Variants in EFNA3 observed in about 807,000 individuals in gnomAD.
EFNA3 encodes the protein ephrin A3.
Under a neutral mutation model 25.0 loss-of-function variants are expected in EFNA3, and 15 were observed. The observed-to-expected ratio is 0.60, with a 90% CI of 0.40 to 0.92. EFNA3 has a LOEUF of 0.92. EFNA3 is among the 40% of genes least tolerant of loss of function. The pLI, the probability that EFNA3 is intolerant of heterozygous loss-of-function variation, is 0.00. For synonymous variants in EFNA3, 153 were observed against 145.6 expected (o/e 1.05, Z -0.37); for missense variants, 298 against 323.8 (o/e 0.92, Z 0.61).
rs1308727862 is a variant in EFNA3, at chr1:155,080,641, C to T, written c.128+1572C>T. On this transcript the variant is annotated intron_variant, in intron 1 of 4. Transcript: ENST00000368408. This position sits in a 1 kb window ranked among gnomAD's most constrained non-coding sequence, Gnocchi z 7.0. ...GCACCTCAGCGTTCTTAGGGGAAGC[C>T]AGAGCCGGGGAGGATGCGGGAATAG... is the stretch of plus-strand genomic sequence containing the variant. Among the ~76,000 whole-genome samples, 1 of 152,174 alleles carries T rather than the reference C, an allele frequency of 6.6e-6. No homozygotes were observed. Among genetic ancestry groups the T allele is most frequent in the African/African-American group, 2.4e-5 (1 of 41,448 alleles).
Position 155,078,978 on chromosome 1 carries a change from G to A in EFNA3, c.37G>A (p.Val13Met). 1.4e-6 allele frequency: 2 copies of A among 1,431,868 alleles called. No individual in the cohort carries two copies. The highest frequency in any genetic ancestry group is 1.5e-5 in the South Asian group (1 of 68,420). The allele number at this position is 1,431,868 out of a possible 1,614,324, so 88.7% of individuals were successfully genotyped here. ...TCCGCTGCTGCTGCTGCTGCTGCTC[G>A]TGCCCGTGCCGCTGCTGCCGCTGCT... Reference protein sequence around the residue: ...AAPLLLLLLLVPVPLLPLLAQ... With the variant: ...AAPLLLLLLLMPVPLLPLLAQ... Residue 13 changes from valine to methionine, a missense_variant, in exon 1 of 5, where the codon GTG becomes ATG. Transcript: ENST00000368408.
chr1:155,083,589 T>C (rs1013438685), intron 1 of EFNA3, among the ~76,000 whole-genome samples: 2 of 152,220 alleles, frequency 1.3e-5, no homozygotes, highest in Non-Finnish European at 2.9e-5. Context: ...ATCAGCTCTC[T>C]GCCTGCCTCA....
intron 1 of EFNA3, among the ~76,000 whole-genome samples, chr1:155,082,538 G>A (rs891820717): frequency 6.6e-6 from 1 of 152,228 alleles, no homozygotes; most frequent in Non-Finnish European, 1.5e-5. Context: ...GAGAGGTGTC[G>A]GGATGCGCCT....
At chr1:155,083,415 C>T (rs1202863725) in intron 1 of EFNA3, among the ~76,000 whole-genome samples, 5 of 152,210 alleles carry the variant, frequency 3.3e-5, no homozygotes, top group African/African-American at 1.2e-4. Context: ...TGGTCTAACC[C>T]GTTTTCCTGC....
chr1:155,085,758 G>A lies in EFNA3; in HGVS notation c.443-119G>A. The A allele has an allele frequency of 8.4e-7, 1 of 1,196,170 alleles. No individual in the cohort carries two copies. Among genetic ancestry groups the A allele is most frequent in the Non-Finnish European group, 1.2e-6 (1 of 835,330 alleles). The allele number at this position is 1,196,170 out of a possible 1,614,324, so 74.1% of individuals were successfully genotyped here. A position where few individuals can be genotyped will look rare whatever the true frequency, so the allele number is the denominator to read the frequency against. ...AGTGACCCGTGTCCAAAGGGTAGGG[G>A]AGCTCCTGAAGGAGACCGCCCGACG... On this transcript the variant is annotated intron_variant, in intron 2 of 4. Transcript: ENST00000368408. The surrounding 1 kb of genome is among the most constrained non-coding windows in gnomAD (Gnocchi z 4.4).
chr1:155,079,260 G>T lies in EFNA3; in HGVS notation c.128+191G>T, dbSNP rs987272604. Among the ~76,000 whole-genome samples the T allele has an allele frequency of 2.0e-5, 3 of 152,240 alleles. No individual in the cohort carries two copies. In the South Asian group the frequency reaches 6.2e-4, roughly 32 times the overall value. On this transcript the variant is annotated intron_variant, in intron 1 of 4. Transcript: ENST00000368408. The surrounding 1 kb of genome is among the most constrained non-coding windows in gnomAD (Gnocchi z 7.7). ...CGGGGGTGTCTGAAGAGGCTGTTGG[G>T]CTATAGTAAGGAGCGCTCGGGCCGT...
rs1663302319 is a variant in EFNA3, at chr1:155,079,542, A to G, written c.128+473A>G. On this transcript the variant is annotated intron_variant, in intron 1 of 4. Transcript: ENST00000368408. This position sits in a 1 kb window ranked among gnomAD's most constrained non-coding sequence, Gnocchi z 7.7. ...GCTGAGGCAGGGAGTCCGACCGAGC[A>G]CCTCCCTAGAAGGAAGGCGAATGGG... 6.6e-6 allele frequency among the ~76,000 whole-genome samples: 1 copy of G among 151,694 alleles called. No homozygotes were observed. Among genetic ancestry groups the G allele is most frequent in the Non-Finnish European group, 1.5e-5 (1 of 67,926 alleles).
intron 1 of EFNA3, among the ~76,000 whole-genome samples, chr1:155,083,202 C>A (rs757987485): frequency 6.6e-6 from 1 of 152,060 alleles, no homozygotes; most frequent in Non-Finnish European, 1.5e-5. Context: ...GGGAACTGGG[C>A]GGTACAGCAG....
chr1:155,082,004 C>T (rs1355130894), intron 1 of EFNA3, among the ~76,000 whole-genome samples: 2 of 152,160 alleles, frequency 1.3e-5, no homozygotes, highest in African/African-American at 2.4e-5. Flanking sequence ...CCACCCGACG[C>T]GGCCCAGGGA....
At chr1:155,083,787 C>A (rs189069087) in intron 1 of EFNA3, among the ~76,000 whole-genome samples, 1 of 152,316 alleles carries the variant, frequency 6.6e-6, no homozygotes, top group African/African-American at 2.4e-5. Context: ...CAGTCTCTCC[C>A]CCCAGGGAGC....
chr1:155,082,658 G>A (rs1310438318), intron 1 of EFNA3, among the ~76,000 whole-genome samples: 1 of 152,160 alleles, frequency 6.6e-6, no homozygotes, highest in African/African-American at 2.4e-5. Context: ...GAGGCTATAG[G>A]GGATGAAGTG....
chr1:155,082,855 A>C (rs1208191242), intron 1 of EFNA3, among the ~76,000 whole-genome samples: 1 of 152,132 alleles, frequency 6.6e-6, no homozygotes, highest in Non-Finnish European at 1.5e-5. Flanking sequence ...AGATTCAATT[A>C]AAGTGCCCAA....
Position 155,085,529 on chromosome 1 carries a change from G to T in EFNA3, c.442+125G>T. The T allele has an allele frequency of 8.1e-7, 1 of 1,232,276 alleles. No individual in the cohort carries two copies. Among genetic ancestry groups the T allele is most frequent in the Non-Finnish European group, 1.1e-6 (1 of 909,630 alleles). 76.3% of individuals were successfully genotyped at this position (1,232,276 alleles called of 1,614,324 possible). On this transcript the variant is annotated intron_variant, in intron 2 of 4. Coordinates refer to ENST00000368408, the MANE Select transcript of EFNA3 (RefSeq NM_004952.5). This position sits in a 1 kb window ranked among gnomAD's most constrained non-coding sequence, Gnocchi z 4.4. ...GCGCCAGGTCTCGCGGCTGAGACCA[G>T]GGAGGAGGCGTGGGCACGGGACGCC...
Position 155,080,252 on chromosome 1 carries a change from G to A in EFNA3, c.128+1183G>A, listed in dbSNP as rs1020132456. ...CCCAGGGGAGGGGACCGGGAGGGCC[G>A]GGCGGCCGCGACCCCCAACCTCTCG... is the stretch of plus-strand genomic sequence containing the variant. On this transcript the variant is annotated intron_variant, in intron 1 of 4. Coordinates refer to ENST00000368408, the MANE Select transcript of EFNA3 (RefSeq NM_004952.5). This position sits in a 1 kb window ranked among gnomAD's most constrained non-coding sequence, Gnocchi z 7.0. 3.3e-5 allele frequency among the ~76,000 whole-genome samples: 5 copies of A among 152,214 alleles called. No homozygotes were observed. In the South Asian group the frequency reaches 6.2e-4, roughly 19 times the overall value.
chr1:155,085,391 G>A lies in EFNA3; in HGVS notation c.429G>A (p.Glu143=). 6.2e-7 allele frequency: 1 copy of A among 1,607,478 alleles called. No individual in the cohort carries two copies. The highest frequency in any genetic ancestry group is 8.5e-7 in the Non-Finnish European group (1 of 1,176,312). Residue 143 remains glutamate (E), a synonymous_variant, in exon 2 of 5, where the codon GAG becomes GAA. Transcript: ENST00000368408. The surrounding 1 kb of genome is among the most constrained non-coding windows in gnomAD (Gnocchi z 4.4). ...SLGYEFHAGH[E]YYYISTPTHN... is the part of the protein sequence containing the mutation. ...GCTACGAGTTCCACGCCGGCCACGA[G>A]TACTACTACATCTGTGAGTGACGGC... is the stretch of plus-strand genomic sequence containing the variant.
At chr1:155,084,186 G>A (rs1663400107) in intron 1 of EFNA3, among the ~76,000 whole-genome samples, 3 of 152,254 alleles carry the variant, frequency 2.0e-5, no homozygotes, top group South Asian at 4.1e-4. Flanking sequence ...GGAAGGAGGT[G>A]CACAATGAGA....
rs1182801315 is a variant in EFNA3, at chr1:155,080,533, C to T, written c.128+1464C>T. On this transcript the variant is annotated intron_variant, in intron 1 of 4. Transcript: ENST00000368408. The surrounding 1 kb of genome is among the most constrained non-coding windows in gnomAD (Gnocchi z 7.0). ...CTCAGCCCCCTCCCCCAGACTCACA[C>T]GTCCGCCCCCCACCCCGCTAGAGTC... 6.6e-6 allele frequency among the ~76,000 whole-genome samples: 1 copy of T among 151,964 alleles called. No individual in the cohort carries two copies. Among genetic ancestry groups the T allele is most frequent in the Non-Finnish European group, 1.5e-5 (1 of 67,970 alleles).
intron 3 of EFNA3, 86 bp from the exon 4 acceptor site, chr1:155,086,042 G>A: frequency 6.4e-7 from 1 of 1,572,382 alleles, no homozygotes. Context: ...CAGGTGAGGG[G>A]GGCTTGCTCC....
chr1:155,086,527 C>A lies in EFNA3; in HGVS notation c.701C>A (p.Thr234Lys), dbSNP rs760126329. ...LAVGIAFFLM[T>K]FLAS is the part of the protein sequence containing the mutation. ...GTGGGCATCGCCTTCTTCCTCATGA[C>A]GTTCTTGGCCTCCTAGCTCTGCCCC... The change falls in exon 5 of 5, where the codon ACG (threonine) becomes AAG (lysine). Residue 234 changes from threonine (T) to lysine (K), a missense_variant. Coordinates refer to ENST00000368408, the MANE Select transcript of EFNA3 (RefSeq NM_004952.5). 2 of 1,613,722 alleles carry A rather than the reference C, an allele frequency of 1.2e-6. No homozygotes were observed. Among genetic ancestry groups the A allele is most frequent in the South Asian group, 1.1e-5 (1 of 91,076 alleles).
Sources: allele counts gnomAD v4.1 joint callset (sites outside exome capture counted in the v4.1 genomes callset), GRCh38; gene constraint gnomAD v4.1.1; non-coding constraint Gnocchi (gnomAD v3.1); transcripts MANE v1.5; gene names NCBI Gene and HGNC (gene_info 2026-07-23, HGNC 2026-07-21).